The following PTPRN2 variants were observed in gnomAD, a reference collection of about 807,000 sequenced individuals.
PTPRN2 encodes the protein protein tyrosine phosphatase receptor type N2.
A neutral mutation model predicts 118.8 loss-of-function variants in PTPRN2; 74 were observed. That is an observed-to-expected ratio of 0.62 (90% CI 0.52 to 0.76). PTPRN2 has a LOEUF of 0.76. Among genes scored for constraint, PTPRN2 ranks in the 30% least tolerant of loss-of-function variants. The pLI is 0.00. For synonymous variants in PTPRN2, 641 were observed against 608.0 expected (o/e 1.05, Z -0.80); for missense variants, 1,481 against 1,394.4 (o/e 1.06, Z -0.99).
chr7:157,870,452 G>C (rs74965970), intron 12 of PTPRN2, among the ~76,000 whole-genome samples: 7,167 of 152,178 alleles, frequency 0.047, 477 homozygotes, highest in African/African-American at 0.14. Flanking sequence ...CTTCATCATT[G>C]TTCCACCCAT....
intron 11 of PTPRN2, among the ~76,000 whole-genome samples, chr7:158,005,959 GT>G (rs1805606049): frequency 6.6e-6 from 1 of 152,240 alleles, no homozygotes; most frequent in African/African-American, 2.4e-5. Flanking sequence ...AGGCTGAGGG[GT>G]TTCTGCCTGC....
Position 157,599,885 on chromosome 7 carries a change from C to T in PTPRN2, c.2418+4117G>A, listed in dbSNP as rs538388920. ...CCTCTCCACCTGCCCACCTCTCCAC[C>T]TGCCCACCTCTCCACCTGCCCCTCT... On this transcript the variant is annotated intron_variant, in intron 16 of 22. Coordinates refer to ENST00000389418, the MANE Select transcript of PTPRN2 (RefSeq NM_002847.5). Among the ~76,000 whole-genome samples the T allele has an allele frequency of 8.8e-3, 1,311 of 149,244 alleles. 3 individuals are homozygous for T. The highest frequency in any genetic ancestry group is 0.012 in the Non-Finnish European group (825 of 67,028).
chr7:158,484,343 G>A (rs1172706331), intron 2 of PTPRN2, among the ~76,000 whole-genome samples: 3 of 151,984 alleles, frequency 2.0e-5, no homozygotes, highest in African/African-American at 4.8e-5. Flanking sequence ...ACCTCTCCTG[G>A]ACTTATTTAC....
In PTPRN2 at chr7:157,758,058, C is replaced by T. The variant is rs559392341; in HGVS notation, c.1789-75121G>A. Among the ~76,000 whole-genome samples the T allele has an allele frequency of 4.6e-5, 7 of 152,272 alleles. No individual in the cohort carries two copies. The East Asian group carries it at 1.4e-3, about 29-fold the overall frequency. On this transcript the variant is annotated intron_variant, in intron 12 of 22. Transcript: ENST00000389418. ...GGGACAGCCTTGCCGGTGCGGGGGA[C>T]GCGGTCTCGGGACTGACGGCGCAGG...
At chr7:157,696,585 C>T (rs1270830021) in intron 12 of PTPRN2, among the ~76,000 whole-genome samples, 40 of 123,814 alleles carry the variant, frequency 3.2e-4, no homozygotes, top group South Asian at 8.7e-4. Flanking sequence ...CACCATCTAC[C>T]CATGCATACT....
At chr7:158,414,061 C>A (rs1240287246) in intron 2 of PTPRN2, among the ~76,000 whole-genome samples, 1 of 105,638 alleles carries the variant, frequency 9.5e-6, no homozygotes, top group African/African-American at 4.0e-5. Flanking sequence ...GAGACAGCCT[C>A]TATCTCAAAA....
intron 14 of PTPRN2, among the ~76,000 whole-genome samples, chr7:157,645,561 G>A (rs529787436): frequency 1.3e-5 from 2 of 152,272 alleles, no homozygotes; most frequent in African/African-American, 4.8e-5. Flanking sequence ...GTTTGAAATT[G>A]CCTACATTGC....
At position 157,788,222 on chromosome 7, in the gene PTPRN2, A is replaced by G. The variant is rs1017635580; in HGVS notation, c.1789-105285T>C. 1.6e-4 allele frequency among the ~76,000 whole-genome samples: 24 copies of G among 152,142 alleles called. No individual in the cohort carries two copies. The East Asian group carries it at 3.7e-3, about 23-fold the overall frequency. ...AACTCCGTCTCTACTAAAAGTACAA[A>G]AAAGTAGCCAGGTGTGGTAGCATGA... On this transcript the variant is annotated intron_variant, in intron 12 of 22. Transcript: ENST00000389418.
intron 11 of PTPRN2, among the ~76,000 whole-genome samples, chr7:157,937,673 G>C (rs1799804246): frequency 6.6e-6 from 1 of 152,244 alleles, no homozygotes; most frequent in Non-Finnish European, 1.5e-5. Flanking sequence ...CTGAGAGCGG[G>C]TGCGGCCTCT....
chr7:157,946,813 T>C (rs1350665010), intron 11 of PTPRN2, among the ~76,000 whole-genome samples: 2 of 152,192 alleles, frequency 1.3e-5, no homozygotes, highest in South Asian at 2.1e-4. Context: ...ACAGTAAGCC[T>C]GAGAAGGGCG....
chr7:157,917,706 T>C (rs1026680399), intron 11 of PTPRN2, among the ~76,000 whole-genome samples: 1 of 152,178 alleles, frequency 6.6e-6, no homozygotes, highest in Non-Finnish European at 1.5e-5. Flanking sequence ...TAAAATACAA[T>C]GTTTATCTTC....
chr7:158,388,182 T>A (rs774299509), intron 2 of PTPRN2, among the ~76,000 whole-genome samples: 1 of 152,070 alleles, frequency 6.6e-6, no homozygotes, highest in Non-Finnish European at 1.5e-5. Context: ...CTGTCCACAC[T>A]GAACAAGAAG....
In PTPRN2 at chr7:157,585,457, G is replaced by A. The variant is rs1197922469; in HGVS notation, c.2497-7317C>T. On this transcript the variant is annotated intron_variant, in intron 17 of 22. Coordinates refer to ENST00000389418, the MANE Select transcript of PTPRN2 (RefSeq NM_002847.5). The surrounding 1 kb of genome is among the most constrained non-coding windows in gnomAD (Gnocchi z 5.2). ...GGTGTGGCCATCCTGCCGCATAGGGGTTCCCACGGTGGGAATGCACTCACA... is the reference window on the plus strand; with the variant it reads ...GGTGTGGCCATCCTGCCGCATAGGGATTCCCACGGTGGGAATGCACTCACA... Among the ~76,000 whole-genome samples the A allele has an allele frequency of 6.6e-6, 1 of 152,172 alleles. No individual in the cohort carries two copies. The highest frequency in any genetic ancestry group is 1.5e-5 in the Non-Finnish European group (1 of 68,032).
intron 2 of PTPRN2, among the ~76,000 whole-genome samples, chr7:158,377,399 C>T (rs1446038890): frequency 2.0e-5 from 3 of 152,198 alleles, no homozygotes; most frequent in African/African-American, 4.8e-5. Context: ...TAAAATGTAT[C>T]GGTCTTCACC....
At chr7:157,844,650 G>A (rs1045039218) in intron 12 of PTPRN2, among the ~76,000 whole-genome samples, 1 of 152,186 alleles carries the variant, frequency 6.6e-6, no homozygotes, top group African/African-American at 2.4e-5. Context: ...CACTGCTGGA[G>A]ATGAAGAAAG....
intron 11 of PTPRN2, among the ~76,000 whole-genome samples, chr7:158,077,650 T>C (rs1220474518): frequency 6.6e-6 from 1 of 151,942 alleles, no homozygotes; most frequent in Non-Finnish European, 1.5e-5. Flanking sequence ...GAACTCGGCC[T>C]GAAGGAAACG....
rs1441108769 is a variant in PTPRN2 at position 158,138,528 on chromosome 7, A to G, written c.911-13T>C. The G allele has an allele frequency of 1.2e-6, 2 of 1,605,898 alleles. No individual in the cohort carries two copies. The highest frequency in any genetic ancestry group is 8.5e-7 in the Non-Finnish European group (1 of 1,177,250). On this transcript the variant is annotated splice_polypyrimidine_tract_variant and intron_variant, in intron 6 of 22. Coordinates refer to ENST00000389418, the MANE Select transcript of PTPRN2 (RefSeq NM_002847.5). ...TGAATCCGTGCTCCTAGGGGCACAC[A>G]CACAAACACAAGGACGTTGTGGGTG... is the stretch of plus-strand genomic sequence containing the variant.
intron 2 of PTPRN2, among the ~76,000 whole-genome samples, chr7:158,320,422 A>G (rs528816818): frequency 6.6e-6 from 1 of 150,518 alleles, no homozygotes; most frequent in African/African-American, 2.5e-5. Context: ...CCCATCGCCC[A>G]TGTCCTCACC....
intron 5 of PTPRN2, among the ~76,000 whole-genome samples, chr7:158,170,845 T>C (rs554119568): frequency 6.6e-6 from 1 of 152,216 alleles, no homozygotes; most frequent in South Asian, 2.1e-4. Context: ...TAATGACCTT[T>C]GCTTCAGCAC....
Sources: allele counts gnomAD v4.1 joint callset (sites outside exome capture counted in the v4.1 genomes callset), GRCh38; gene constraint gnomAD v4.1.1; non-coding constraint Gnocchi (gnomAD v3.1); transcripts MANE v1.5; gene names NCBI Gene and HGNC (gene_info 2026-07-23, HGNC 2026-07-21).